PARD3: variants seen among roughly 807,000 people sequenced by gnomAD.
The protein encoded by PARD3 is par-3 family cell polarity regulator.
In PARD3, 75 loss-of-function variants were observed where a neutral mutation model predicts 155.4. The ratio of observed to expected loss-of-function variants is 0.48; its 90% confidence interval spans 0.40 to 0.58. The LOEUF (loss-of-function observed/expected upper bound fraction) is 0.58. Among genes scored for constraint, PARD3 ranks in the 20% least tolerant of loss-of-function variants. The probability of loss-of-function intolerance (pLI) is 0.00; values close to 1 mark genes in which losing one functional copy is unlikely to be tolerated. For missense variants in PARD3, 1,642 were observed against 1,721.7 expected (o/e 0.95, Z 0.82); for synonymous variants, 576 against 610.5 (o/e 0.94, Z 0.83).
chr10:34,442,498 C>A (rs1252045117), intron 5 of PARD3, among the ~76,000 whole-genome samples: 1 of 152,104 alleles, frequency 6.6e-6, no homozygotes, highest in Non-Finnish European at 1.5e-5. Flanking sequence ...GTTGTCCTGG[C>A]GCACAAGGAG....
intron 3 of PARD3, among the ~76,000 whole-genome samples, chr10:34,483,459 A>G: frequency 6.8e-6 from 1 of 146,092 alleles, no homozygotes; most frequent in Non-Finnish European, 1.5e-5. Flanking sequence ...TCAAGCCTGG[A>G]CGACAGAGTG....
In PARD3 at chr10:34,279,141, CTTTTTTT is replaced by C. The variant is rs143467605; in HGVS notation, c.3176+4987_3176+4993del. 1.1e-4 allele frequency among the ~76,000 whole-genome samples: 11 copies of C among 102,038 alleles called. 1 individual carries two copies. The highest frequency in any genetic ancestry group is 4.1e-4 in the African/African-American group (10 of 24,280). 66.9% of individuals were successfully genotyped at this position (102,038 alleles called of 152,430 possible). On this transcript the variant is annotated intron_variant, in intron 21 of 24. Transcript: ENST00000374788. ...CTCAAGTATTCATCTATATTTTTTC[CTTTTTTT>C]TTTTTTTTTTTTTTTAGAGACAAGC...
chr10:34,354,974 C>A lies in PARD3; in HGVS notation c.2067+4173G>T, dbSNP rs977716164. Reference sequence around the variant, plus strand: ...AAACCCTCAGGGAGCTGCAGCAGTGCGCCTGGTGAGAGGATGAGGTCTGAA... The same window carrying A: ...AAACCCTCAGGGAGCTGCAGCAGTGAGCCTGGTGAGAGGATGAGGTCTGAA... On this transcript the variant is annotated intron_variant, in intron 14 of 24. Transcript: ENST00000374788. Among the ~76,000 whole-genome samples the A allele has an allele frequency of 3.3e-5, 5 of 152,232 alleles. No homozygotes were observed. In the South Asian group the frequency reaches 1.0e-3, roughly 32 times the overall value.
At chr10:34,355,151 CAT>C (rs1838654188) in intron 14 of PARD3, among the ~76,000 whole-genome samples, 1 of 152,054 alleles carries the variant, frequency 6.6e-6, no homozygotes. Context: ...ACCTGGGCAA[CAT>C]AGTGAGATCC....
chr10:34,716,202 T>C (rs1445486490), intron 1 of PARD3, among the ~76,000 whole-genome samples: 1 of 152,232 alleles, frequency 6.6e-6, no homozygotes, highest in South Asian at 2.1e-4. Context: ...GTAATGCGTG[T>C]GCCTTCAGTT....
chr10:34,730,793 G>A (rs1179185876), intron 1 of PARD3, among the ~76,000 whole-genome samples: 3 of 152,090 alleles, frequency 2.0e-5, no homozygotes, highest in Non-Finnish European at 2.9e-5. Flanking sequence ...AAATAAAATT[G>A]AAATTAATAA....
At chr10:34,724,148 G>A (rs375168106) in intron 1 of PARD3, among the ~76,000 whole-genome samples, 34 of 152,270 alleles carry the variant, frequency 2.2e-4, no homozygotes, top group African/African-American at 7.7e-4. Flanking sequence ...CTCAGTGTTC[G>A]TGAGAAAATA....
chr10:34,197,236 T>C (rs1327946506), intron 22 of PARD3, among the ~76,000 whole-genome samples: 1 of 152,204 alleles, frequency 6.6e-6, no homozygotes. Context: ...GGAAAAATGC[T>C]TGCTTGCTTC....
At chr10:34,414,089 T>C (rs1845404593) in intron 5 of PARD3, among the ~76,000 whole-genome samples, 1 of 151,876 alleles carries the variant, frequency 6.6e-6, no homozygotes, top group African/African-American at 2.4e-5. Context: ...TCTCAGCGAC[T>C]CAGGAGGCTG....
chr10:34,814,733 G>T, intron 1 of PARD3, 143 bp downstream of exon 1: 2 of 667,454 alleles, frequency 3.0e-6, no homozygotes, highest in Non-Finnish European at 4.6e-6. Flanking sequence ...TCCGGGGCGG[G>T]GGGCGCCCGC....
At chr10:34,313,768 C>T (rs139774042) in intron 20 of PARD3, among the ~76,000 whole-genome samples, 14 of 152,082 alleles carry the variant, frequency 9.2e-5, no homozygotes, top group African/African-American at 3.4e-4. Flanking sequence ...AGGGAGGCAA[C>T]AGGATGATGG....
At chr10:34,505,677 T>C (rs2081014872) in intron 3 of PARD3, among the ~76,000 whole-genome samples, 1 of 152,136 alleles carries the variant, frequency 6.6e-6, no homozygotes. Flanking sequence ...GCAGGATATC[T>C]CTAAAAAATA....
intron 2 of PARD3, among the ~76,000 whole-genome samples, chr10:34,670,780 T>C (rs1194033487): frequency 6.6e-6 from 1 of 152,228 alleles, no homozygotes; most frequent in African/African-American, 2.4e-5. Context: ...TCCCTTCCCT[T>C]GATCAAAGAA....
At chr10:34,350,071 G>A (rs1326532622) in intron 14 of PARD3, among the ~76,000 whole-genome samples, 2 of 152,200 alleles carry the variant, frequency 1.3e-5, no homozygotes, top group African/African-American at 4.8e-5. Flanking sequence ...AGATTTAAAT[G>A]AAGACATCAA....
intron 12 of PARD3, among the ~76,000 whole-genome samples, chr10:34,368,623 G>A (rs1840233916): frequency 6.6e-6 from 1 of 151,994 alleles, no homozygotes. Context: ...AGTGAGCCAA[G>A]ATCGCACCAT....
At chr10:34,329,183 C>T (rs575643299) in intron 19 of PARD3, among the ~76,000 whole-genome samples, 94 of 152,100 alleles carry the variant, frequency 6.2e-4, no homozygotes, top group Non-Finnish European at 1.2e-3. Context: ...ACTCTGGAGG[C>T]TATCCCTACA....
At chr10:34,735,627 C>T (rs1001230789) in intron 1 of PARD3, among the ~76,000 whole-genome samples, 3 of 152,182 alleles carry the variant, frequency 2.0e-5, no homozygotes, top group African/African-American at 7.2e-5. Flanking sequence ...CCCACATGGG[C>T]TTCCAAACTT....
At chr10:34,232,858 G>A (rs950043864) in intron 22 of PARD3, among the ~76,000 whole-genome samples, 5 of 151,738 alleles carry the variant, frequency 3.3e-5, no homozygotes, top group African/African-American at 9.7e-5. Flanking sequence ...ATGCCATCAC[G>A]TGTGGCTAAT....
intron 2 of PARD3, among the ~76,000 whole-genome samples, chr10:34,552,974 C>T (rs1589985137): frequency 6.6e-6 from 1 of 152,164 alleles, no homozygotes; most frequent in African/African-American, 2.4e-5. Flanking sequence ...GAAGTGACTT[C>T]GTCCTTAGAT....
Sources: gnomAD v4.1 joint callset for allele counts (sites outside exome capture counted in the v4.1 genomes callset) on GRCh38, gnomAD v4.1.1 for gene constraint, MANE v1.5 for transcripts, NCBI Gene and HGNC (gene_info 2026-07-23, HGNC 2026-07-21) for gene names.